Variants in PLCE1 observed in about 807,000 individuals in gnomAD.
PLCE1 encodes phospholipase C epsilon 1.
PLCE1 carries 119 observed loss-of-function variants against 242.8 expected under a neutral mutation model. The observed-to-expected ratio is 0.49, with a 90% CI of 0.42 to 0.57. The LOEUF is 0.57. Among genes scored for constraint, PLCE1 ranks in the 20% least tolerant of loss-of-function variants. The pLI, the probability that PLCE1 is intolerant of heterozygous loss-of-function variation, is 0.00. For synonymous variants in PLCE1, 945 were observed against 1,017.4 expected, an observed-to-expected ratio of 0.93 and a Z score of 1.35; for missense variants, 2,441 against 2,788.8, an observed-to-expected ratio of 0.88 and a Z score of 2.81.
intron 4 of PLCE1, among the ~76,000 whole-genome samples, chr10:94,195,643 T>C (rs535691369): frequency 5.5e-4 from 83 of 152,290 alleles, no homozygotes; most frequent in African/African-American, 1.9e-3. Context: ...TTTTGAAGAC[T>C]TCTTTCTTAG....
At chr10:94,040,369 T>G (rs1307633188) in intron 2 of PLCE1, among the ~76,000 whole-genome samples, 1 of 152,198 alleles carries the variant, frequency 6.6e-6, no homozygotes, top group Non-Finnish European at 1.5e-5. Flanking sequence ...TTATCTAAAT[T>G]GTTTTTTTTA....
At chr10:94,167,983 G>A (rs542888266) in intron 3 of PLCE1, among the ~76,000 whole-genome samples, 1 of 152,116 alleles carries the variant, frequency 6.6e-6, no homozygotes, top group Admixed American at 6.5e-5. Flanking sequence ...CACTGCGCCC[G>A]ACCTAGAATG....
At chr10:94,252,285 C>A in intron 8 of PLCE1, 31 bp from the exon 9 acceptor site, 1 of 1,604,108 alleles carries the variant, frequency 6.2e-7, no homozygotes, top group South Asian at 1.1e-5. Context: ...TTGATGCTTC[C>A]TATTGTGTTC....
At chr10:94,121,625 A>C (rs1312651921) in intron 2 of PLCE1, among the ~76,000 whole-genome samples, 1 of 152,152 alleles carries the variant, frequency 6.6e-6, no homozygotes, top group Non-Finnish European at 1.5e-5. Flanking sequence ...TTATATCTCC[A>C]TTAAAGAAAC....
chr10:94,283,344 A>G (rs892588578), intron 20 of PLCE1: 1 of 162,676 alleles, frequency 6.1e-6, no homozygotes, highest in Non-Finnish European at 1.4e-5. Flanking sequence ...AAAGAAGTAA[A>G]TAGCTTCATT....
intron 3 of PLCE1, among the ~76,000 whole-genome samples, chr10:94,154,810 G>A (rs2047378039): frequency 6.6e-6 from 1 of 151,344 alleles, no homozygotes; most frequent in Non-Finnish European, 1.5e-5. Context: ...AGGCCAAGGT[G>A]GAAAGATTGC....
At chr10:94,064,028 T>G (rs1008274592) in intron 2 of PLCE1, among the ~76,000 whole-genome samples, 1 of 151,888 alleles carries the variant, frequency 6.6e-6, no homozygotes, top group Non-Finnish European at 1.5e-5. Flanking sequence ...TACTGAGAGG[T>G]GGACTGGGGT....
At chr10:94,209,627 G>A (rs2049270765) in intron 4 of PLCE1, among the ~76,000 whole-genome samples, 1 of 152,172 alleles carries the variant, frequency 6.6e-6, no homozygotes, top group Non-Finnish European at 1.5e-5. Context: ...TTCTATGAAT[G>A]AATATAAGAA....
chr10:94,116,205 T>G lies in PLCE1; in HGVS notation c.1207-15969T>G, dbSNP rs1590058564. On this transcript the variant is annotated intron_variant, in intron 2 of 32. Coordinates refer to ENST00000371380, the MANE Select transcript of PLCE1 (RefSeq NM_016341.4). ...CTGCCACAAATACCCCTGAGTTTCT[T>G]AACTACTCACAATTTAGATCTCATT... Among the ~76,000 whole-genome samples the G allele has an allele frequency of 2.0e-5, 3 of 152,218 alleles. No homozygotes were observed. In the East Asian group the frequency reaches 5.8e-4, roughly 29 times the overall value.
chr10:94,193,919 G>A (rs1162921739), intron 4 of PLCE1, among the ~76,000 whole-genome samples: 2 of 152,156 alleles, frequency 1.3e-5, no homozygotes, highest in African/African-American at 4.8e-5. Flanking sequence ...AGATAAGCAG[G>A]CTAAAGTCAC....
chr10:94,137,423 A>G (rs938771718), intron 3 of PLCE1, among the ~76,000 whole-genome samples: 5 of 152,242 alleles, frequency 3.3e-5, no homozygotes, highest in South Asian at 2.1e-4. Context: ...GAAAAAATTG[A>G]GATAACTGAT....
chr10:94,239,321 G>T (rs555417981), intron 7 of PLCE1, among the ~76,000 whole-genome samples: 3 of 152,192 alleles, frequency 2.0e-5, no homozygotes, highest in Admixed American at 6.5e-5. Context: ...GTGTTCTCAC[G>T]ATAGTGAGTT....
Position 94,331,481 on chromosome 10 carries a change from A to G in PLCE1, c.*3538A>G, listed in dbSNP as rs574350480. 6.6e-5 allele frequency: 10 copies of G among 152,244 alleles called. No individual in the cohort carries two copies. Among genetic ancestry groups the G allele is most frequent in the African/African-American group, 1.7e-4 (7 of 41,536 alleles). 9.4% of individuals were successfully genotyped at this position (152,244 alleles called of 1,614,324 possible). A position where few individuals can be genotyped will look rare whatever the true frequency, so the allele number is the denominator to read the frequency against. ...TTAACTCTAAAACACAAAACTCCAC[A>G]TCTATGCTCCCATGCTAGTAAAGAA... On this transcript the variant is annotated 3_prime_UTR_variant, in exon 33 of 33. Transcript: ENST00000371380.
intron 1 of PLCE1, among the ~76,000 whole-genome samples, chr10:94,024,310 C>A (rs1432626955): frequency 6.6e-6 from 1 of 152,130 alleles, no homozygotes; most frequent in Non-Finnish European, 1.5e-5. Flanking sequence ...ATATTAAATT[C>A]TATTACCAGT....
At chr10:94,132,949 C>T (rs1426724430) in intron 3 of PLCE1, among the ~76,000 whole-genome samples, 1 of 88,846 alleles carries the variant, frequency 1.1e-5, no homozygotes, top group Non-Finnish European at 2.2e-5. Context: ...GACTCCATCT[C>T]AAAAAAAAAA....
intron 1 of PLCE1, among the ~76,000 whole-genome samples, chr10:94,022,511 A>G (rs1464071341): frequency 6.6e-6 from 1 of 152,070 alleles, no homozygotes; most frequent in African/African-American, 2.4e-5. Flanking sequence ...AGAGAGAGAA[A>G]GCAGAAAGTG....
chr10:94,247,764 G>A (rs1340748200), intron 8 of PLCE1, among the ~76,000 whole-genome samples: 1 of 152,134 alleles, frequency 6.6e-6, no homozygotes, highest in Non-Finnish European at 1.5e-5. Flanking sequence ...TTAACCCTAC[G>A]TTATCAGGTA....
At chr10:94,040,824 G>GA (rs534482912) in intron 2 of PLCE1, among the ~76,000 whole-genome samples, 112 of 151,900 alleles carry the variant, frequency 7.4e-4, no homozygotes, top group Non-Finnish European at 1.4e-3. Context: ...TTAAATGGTT[G>GA]AAAAAAATCA....
intron 2 of PLCE1, among the ~76,000 whole-genome samples, chr10:94,110,922 T>C (rs371966734): frequency 1.1e-4 from 17 of 152,328 alleles, no homozygotes; most frequent in East Asian, 9.6e-4. Flanking sequence ...AGCAGCATCA[T>C]TGGCCTCAAC....
Sources: gnomAD v4.1 joint callset for allele counts (sites outside exome capture counted in the v4.1 genomes callset) on GRCh38, gnomAD v4.1.1 for gene constraint, MANE v1.5 for transcripts, NCBI Gene and HGNC (gene_info 2026-07-23, HGNC 2026-07-21) for gene names.